The following BCAS3 variants were observed in gnomAD, a reference collection of about 807,000 sequenced individuals.
BCAS3 encodes the protein BCAS4/BCAS3 fusion.
BCAS3 carries 53 observed loss-of-function variants against 116.1 expected under a neutral mutation model. That is an observed-to-expected ratio of 0.46 (90% CI 0.37 to 0.57). The LOEUF is 0.57. Among genes scored for constraint, BCAS3 ranks in the 20% least tolerant of loss-of-function variants. The pLI is 0.00. For missense variants in BCAS3, 917 were observed against 1,165.4 expected (o/e 0.79, Z 3.10); for synonymous variants, 391 against 408.2 (o/e 0.96, Z 0.51).
In BCAS3 at chr17:61,196,934, T is replaced by G. The variant is rs2080515217; in HGVS notation, c.2425+112370T>G. On this transcript the variant is annotated intron_variant, in intron 22 of 23. Coordinates refer to ENST00000407086, the MANE Select transcript of BCAS3 (RefSeq NM_017679.5). The surrounding 1 kb of genome is among the most constrained non-coding windows in gnomAD (Gnocchi z 4.7). ...ATCTCCCAAACACTTATGTAGAACATTCAATGCTAGAGAAGATAATAATTG... is the reference window on the plus strand; with the variant it reads ...ATCTCCCAAACACTTATGTAGAACAGTCAATGCTAGAGAAGATAATAATTG... Among the ~76,000 whole-genome samples the G allele has an allele frequency of 6.6e-6, 1 of 152,224 alleles. No individual in the cohort carries two copies. The highest frequency in any genetic ancestry group is 1.5e-5 in the Non-Finnish European group (1 of 68,040).
rs543904237 is a variant in BCAS3 at position 60,949,357 on chromosome 17, A to G, written c.1221+2005A>G. On this transcript the variant is annotated intron_variant, in intron 14 of 23. Coordinates refer to ENST00000407086, the MANE Select transcript of BCAS3 (RefSeq NM_017679.5). The stretch of plus-strand genomic sequence containing the variant: ...AGTACAGCCTTGACCTCCTGGGCTC[A>G]AGTGATCCTCCTGTCTCAGCCTCCC... Among the ~76,000 whole-genome samples the G allele has an allele frequency of 1.7e-3, 255 of 152,240 alleles. 1 individual carries two copies. Among genetic ancestry groups the G allele is most frequent in the Middle Eastern group, 0.01 (3 of 294 alleles).
rs2079495677 is a variant in BCAS3 at position 61,181,755 on chromosome 17, T to C, written c.2425+97191T>C. Among the ~76,000 whole-genome samples, 1 of 152,224 alleles carries C rather than the reference T, an allele frequency of 6.6e-6. No individual in the cohort carries two copies. The highest frequency in any genetic ancestry group is 2.4e-5 in the African/African-American group (1 of 41,458). ...CTCCACCATGATTTTTTTCATTGTC[T>C]GCTGTAACTAAGTTTGCCTTTATTC... On this transcript the variant is annotated intron_variant, in intron 22 of 23. Transcript: ENST00000407086. This position sits in a 1 kb window ranked among gnomAD's most constrained non-coding sequence, Gnocchi z 5.0.
chr17:60,760,322 G>A (rs753435609), intron 6 of BCAS3, among the ~76,000 whole-genome samples: 2 of 151,942 alleles, frequency 1.3e-5, no homozygotes, highest in Non-Finnish European at 2.9e-5. Flanking sequence ...TTCATGATAG[G>A]GTATGTGTTA....
chr17:60,823,406 G>A (rs1045583642), intron 7 of BCAS3, among the ~76,000 whole-genome samples: 1 of 152,126 alleles, frequency 6.6e-6, no homozygotes, highest in Admixed American at 6.6e-5. Flanking sequence ...TGGCTTTATA[G>A]AGAGGATTGA....
chr17:60,967,201 A>G lies in BCAS3; in HGVS notation c.1221+19849A>G, dbSNP rs1679883743. ...GAGTTTTCTTGGTTCAGATTGAATT[A>G]TTCTCGTTAGCATTTCTTGTTAGGT... is the stretch of plus-strand genomic sequence containing the variant. On this transcript the variant is annotated intron_variant, in intron 14 of 23. Transcript: ENST00000407086. This position sits in a 1 kb window ranked among gnomAD's most constrained non-coding sequence, Gnocchi z 4.7. 6.6e-6 allele frequency among the ~76,000 whole-genome samples: 1 copy of G among 152,144 alleles called. No homozygotes were observed. The highest frequency in any genetic ancestry group is 2.1e-4 in the South Asian group (1 of 4,830).
intron 22 of BCAS3, among the ~76,000 whole-genome samples, chr17:61,271,055 G>T (rs2050194300): frequency 6.7e-6 from 1 of 149,062 alleles, no homozygotes; most frequent in South Asian, 2.1e-4. Context: ...CCACACCTGG[G>T]TATATTTAGG....
intron 22 of BCAS3, among the ~76,000 whole-genome samples, chr17:61,194,502 GC>G (rs2080356329): frequency 6.6e-6 from 1 of 152,122 alleles, no homozygotes; most frequent in African/African-American, 2.4e-5. Context: ...ACTTTGGGAG[GC>G]CAAGGCGGGT....
At chr17:61,102,312 C>T (rs1443498353) in intron 22 of BCAS3, among the ~76,000 whole-genome samples, 1 of 152,004 alleles carries the variant, frequency 6.6e-6, no homozygotes, top group Non-Finnish European at 1.5e-5. Context: ...GTTTTTAAAT[C>T]TTGAATTATA....
In BCAS3 at chr17:61,377,291, C is replaced by T. The variant is rs767998678; in HGVS notation, c.2593+8797C>T. 9.9e-5 allele frequency among the ~76,000 whole-genome samples: 15 copies of T among 152,206 alleles called. No homozygotes were observed. Among genetic ancestry groups the T allele is most frequent in the African/African-American group, 3.6e-4 (15 of 41,448 alleles). Reference sequence around the variant, plus strand: ...CCAGCAGGTCACAAGCATCCCTACTCGGGACAAGAGGGAGCAGCTGCGCCA... The same window carrying T: ...CCAGCAGGTCACAAGCATCCCTACTTGGGACAAGAGGGAGCAGCTGCGCCA... On this transcript the variant is annotated intron_variant, in intron 23 of 23. Transcript: ENST00000407086. This position sits in a 1 kb window ranked among gnomAD's most constrained non-coding sequence, Gnocchi z 4.6.
intron 22 of BCAS3, among the ~76,000 whole-genome samples, chr17:61,255,430 T>C (rs190751324): frequency 1.3e-5 from 2 of 152,322 alleles, no homozygotes; most frequent in Non-Finnish European, 1.5e-5. Flanking sequence ...CTACATTTCT[T>C]CTTAATTTGA....
chr17:60,775,519 T>TTTTTTC (rs1317065261), intron 6 of BCAS3, among the ~76,000 whole-genome samples: 3,700 of 152,256 alleles, frequency 0.024, 150 homozygotes, highest in African/African-American at 0.083. Flanking sequence ...TCTCTTGTTG[T>TTTTTTC]TGTTACTGTA....
intron 19 of BCAS3, among the ~76,000 whole-genome samples, chr17:61,049,710 CT>C (rs1293228525): frequency 1.4e-5 from 2 of 141,084 alleles, no homozygotes; most frequent in Non-Finnish European, 3.0e-5. Flanking sequence ...GCAGATTTTT[CT>C]TTTCTTTTCT....
chr17:61,201,021 A>AT (rs201750900), intron 22 of BCAS3, among the ~76,000 whole-genome samples: 10 of 148,120 alleles, frequency 6.8e-5, no homozygotes, highest in East Asian at 2.0e-4. Flanking sequence ...TAGTATATAT[A>AT]AAAAAAAAAA....
chr17:60,934,856 GA>G (rs956166157), intron 13 of BCAS3, among the ~76,000 whole-genome samples: 1 of 152,124 alleles, frequency 6.6e-6, no homozygotes, highest in Admixed American at 6.6e-5. Flanking sequence ...GAAGCAAAGA[GA>G]AAATGTAAAA....
chr17:61,229,410 T>C lies in BCAS3; in HGVS notation c.2426-138917T>C, dbSNP rs1037428312. Among the ~76,000 whole-genome samples the C allele has an allele frequency of 2.0e-5, 3 of 152,192 alleles. No homozygotes were observed. Among genetic ancestry groups the C allele is most frequent in the African/African-American group, 7.2e-5 (3 of 41,438 alleles). ...TATCTAGAAGATCTAGCCAAGATCA[T>C]TGATGAAGGTGGCTATGCTAAACAA... On this transcript the variant is annotated intron_variant, in intron 22 of 23. Transcript: ENST00000407086. This position sits in a 1 kb window ranked among gnomAD's most constrained non-coding sequence, Gnocchi z 4.4.
At position 60,816,060 on chromosome 17, in the gene BCAS3, G is replaced by C. The variant is rs1244981127; in HGVS notation, c.476+7984G>C. Among the ~76,000 whole-genome samples the C allele has an allele frequency of 2.0e-5, 3 of 151,978 alleles. No homozygotes were observed. The South Asian group carries it at 6.2e-4, about 32-fold the overall frequency. ...GTACCTGGGTATTTACATTTTCGTA[G>C]CCAGTTGGGTACAAAACCTTAGGAC... On this transcript the variant is annotated intron_variant, in intron 7 of 23. Coordinates refer to ENST00000407086, the MANE Select transcript of BCAS3 (RefSeq NM_017679.5).
chr17:61,261,335 G>C lies in BCAS3; in HGVS notation c.2426-106992G>C, dbSNP rs1414453106. 1.3e-5 allele frequency among the ~76,000 whole-genome samples: 2 copies of C among 152,198 alleles called. No homozygotes were observed. The highest frequency in any genetic ancestry group is 4.8e-5 in the African/African-American group (2 of 41,452). The stretch of plus-strand genomic sequence containing the variant: ...TGGGCGAGGGACAGTTAAGTAAAAA[G>C]AGTTCTGCTTATTCTCTGCTGCAGG... On this transcript the variant is annotated intron_variant, in intron 22 of 23. Transcript: ENST00000407086. This position sits in a 1 kb window ranked among gnomAD's most constrained non-coding sequence, Gnocchi z 4.4.
chr17:60,703,636 CG>C (rs1429235138), intron 4 of BCAS3, among the ~76,000 whole-genome samples: 2 of 151,596 alleles, frequency 1.3e-5, no homozygotes, highest in Non-Finnish European at 2.9e-5. Flanking sequence ...CTTACCTAGC[CG>C]GGCGCGGTGG....
Position 61,088,263 on chromosome 17 carries a change from T to C in BCAS3, c.2425+3699T>C, listed in dbSNP as rs1029005811. ...GGTTAAATAATTGTAAGATGTTCCATTGTTGGCTGAGGAGATCATTTTGGA... is the reference window on the plus strand; with the variant it reads ...GGTTAAATAATTGTAAGATGTTCCACTGTTGGCTGAGGAGATCATTTTGGA... On this transcript the variant is annotated intron_variant, in intron 22 of 23. Coordinates refer to ENST00000407086, the MANE Select transcript of BCAS3 (RefSeq NM_017679.5). This position sits in a 1 kb window ranked among gnomAD's most constrained non-coding sequence, Gnocchi z 4.2. Among the ~76,000 whole-genome samples, 1 of 152,158 alleles carries C rather than the reference T, an allele frequency of 6.6e-6. No homozygotes were observed. The highest frequency in any genetic ancestry group is 2.4e-5 in the African/African-American group (1 of 41,430).
Sources: gnomAD v4.1 joint callset for allele counts (sites outside exome capture counted in the v4.1 genomes callset) on GRCh38, gnomAD v4.1.1 for gene constraint, Gnocchi (gnomAD v3.1) non-coding constraint, MANE v1.5 for transcripts, NCBI Gene and HGNC (gene_info 2026-07-23, HGNC 2026-07-21) for gene names.